Variants in CDH10 observed in about 807,000 individuals in gnomAD.
The protein encoded by CDH10 is cadherin-10.
A neutral mutation model predicts 73.1 loss-of-function variants in CDH10; 30 were observed. That is an observed-to-expected ratio of 0.41 (90% confidence interval 0.31 to 0.56). CDH10 has a LOEUF of 0.56. Among genes scored for constraint, CDH10 ranks in the 20% least tolerant of loss-of-function variants. The pLI is 0.27. For synonymous variants in CDH10, 345 were observed against 348.2 expected (o/e 0.99, Z 0.10); for missense variants, 815 against 973.7 (o/e 0.84, Z 2.17).
At chr5:24,584,445 C>CTTTTTTTTTTTT (rs34192671) in intron 2 of CDH10, among the ~76,000 whole-genome samples, 5 of 28,088 alleles carry the variant, frequency 1.8e-4, no homozygotes, top group Admixed American at 5.7e-4. Flanking sequence ...CTTTCTTTTC[C>CTTTTTTTTTTTT]TTTTTTTTTT....
chr5:24,540,145 C>T (rs1448044048), intron 2 of CDH10, among the ~76,000 whole-genome samples: 1 of 151,782 alleles, frequency 6.6e-6, no homozygotes, highest in African/African-American at 2.4e-5. Flanking sequence ...CAAGACAGCC[C>T]CTAAAAAAGC....
chr5:24,621,504 C>A (rs1747315907), intron 1 of CDH10, among the ~76,000 whole-genome samples: 1 of 152,154 alleles, frequency 6.6e-6, no homozygotes, highest in African/African-American at 2.4e-5. Flanking sequence ...AGGATATCAA[C>A]AATAACCACA....
chr5:24,557,930 C>G (rs1292540343), intron 2 of CDH10, among the ~76,000 whole-genome samples: 1 of 151,746 alleles, frequency 6.6e-6, no homozygotes, highest in African/African-American at 2.4e-5. Context: ...GAAAGCATTA[C>G]AGCAGTTTTA....
intron 1 of CDH10, among the ~76,000 whole-genome samples, chr5:24,634,001 C>A (rs1315364138): frequency 1.3e-5 from 2 of 151,842 alleles, no homozygotes; most frequent in Non-Finnish European, 2.9e-5. Flanking sequence ...CAGCAATTTA[C>A]CCTATAAATG....
chr5:24,513,697 AT>A (rs11373719), intron 5 of CDH10, among the ~76,000 whole-genome samples: 1 of 151,994 alleles, frequency 6.6e-6, no homozygotes, highest in East Asian at 1.9e-4. Flanking sequence ...TGTATCCTTC[AT>A]TTTTTCTATC....
At chr5:24,500,324 G>T (rs1289469049) in intron 8 of CDH10, among the ~76,000 whole-genome samples, 1 of 152,154 alleles carries the variant, frequency 6.6e-6, no homozygotes, top group Non-Finnish European at 1.5e-5. Flanking sequence ...AATAAAGAAA[G>T]GCAGACAGAA....
At chr5:24,525,246 T>C (rs1424966127) in intron 5 of CDH10, among the ~76,000 whole-genome samples, 2 of 152,048 alleles carry the variant, frequency 1.3e-5, no homozygotes, top group Non-Finnish European at 2.9e-5. Context: ...CAAAGAGATA[T>C]AATGTATCCT....
At chr5:24,567,997 CAGGAATGCA>C (rs1745224724) in intron 2 of CDH10, among the ~76,000 whole-genome samples, 2 of 151,926 alleles carry the variant, frequency 1.3e-5, no homozygotes, top group South Asian at 4.1e-4. Context: ...ATGATCAAAA[CAGGAATGCA>C]AGAAATTAAA....
chr5:24,536,979 G>T (rs181578871), intron 3 of CDH10, among the ~76,000 whole-genome samples: 4 of 151,444 alleles, frequency 2.6e-5, no homozygotes, highest in Admixed American at 2.6e-4. Flanking sequence ...GAAATTTTTC[G>T]GTAAATTATG....
intron 5 of CDH10, among the ~76,000 whole-genome samples, chr5:24,523,419 T>A (rs1408196566): frequency 1.3e-5 from 2 of 152,060 alleles, no homozygotes; most frequent in Non-Finnish European, 2.9e-5. Context: ...AATTAAAAAA[T>A]TTCCTAATGA....
chr5:24,594,094 T>A (rs1403073284), intron 1 of CDH10, among the ~76,000 whole-genome samples: 4 of 143,460 alleles, frequency 2.8e-5, no homozygotes, highest in African/African-American at 9.8e-5. Context: ...GAGGTAAAAG[T>A]AAAGGCACAA....
At chr5:24,522,497 T>C (rs984646549) in intron 5 of CDH10, among the ~76,000 whole-genome samples, 9 of 151,334 alleles carry the variant, frequency 5.9e-5, no homozygotes, top group Non-Finnish European at 1.0e-4. Context: ...GTAAATAAAA[T>C]AAAATAAAAT....
chr5:24,560,106 C>G (rs1458006943), intron 2 of CDH10, among the ~76,000 whole-genome samples: 1 of 152,088 alleles, frequency 6.6e-6, no homozygotes, highest in Non-Finnish European at 1.5e-5. Context: ...AATCCACGAT[C>G]CCAGATGCTC....
chr5:24,556,157 T>C (rs1744762104), intron 2 of CDH10, among the ~76,000 whole-genome samples: 1 of 152,150 alleles, frequency 6.6e-6, no homozygotes, highest in Non-Finnish European at 1.5e-5. Flanking sequence ...TTACTAATCA[T>C]TAGTGTTTAT....
intron 2 of CDH10, among the ~76,000 whole-genome samples, chr5:24,539,728 A>G (rs1476592535): frequency 6.6e-6 from 1 of 152,044 alleles, no homozygotes; most frequent in Non-Finnish European, 1.5e-5. Flanking sequence ...CTTTTAACTA[A>G]AAAGCTTTCC....
chr5:24,545,996 T>G (rs1034949369), intron 2 of CDH10, among the ~76,000 whole-genome samples: 1 of 152,072 alleles, frequency 6.6e-6, no homozygotes, highest in African/African-American at 2.4e-5. Flanking sequence ...AAGGTATAGG[T>G]TGACAAATAC....
At chr5:24,633,796 T>C (rs1315443582) in intron 1 of CDH10, among the ~76,000 whole-genome samples, 2 of 151,900 alleles carry the variant, frequency 1.3e-5, no homozygotes, top group Non-Finnish European at 2.9e-5. Flanking sequence ...CAATGTCATC[T>C]TATAACCCTT....
intron 2 of CDH10, among the ~76,000 whole-genome samples, chr5:24,565,582 C>T (rs1366598883): frequency 6.6e-6 from 1 of 151,878 alleles, no homozygotes; most frequent in Non-Finnish European, 1.5e-5. Context: ...TGTTTTTGAC[C>T]CCCACCAAAT....
intron 3 of CDH10, among the ~76,000 whole-genome samples, chr5:24,537,050 T>C (rs967216599): frequency 6.6e-6 from 1 of 151,982 alleles, no homozygotes; most frequent in Non-Finnish European, 1.5e-5. Context: ...TTATATTATA[T>C]TTGGGATCAG....
Sources: allele counts gnomAD v4.1 joint callset (sites outside exome capture counted in the v4.1 genomes callset), GRCh38; gene constraint gnomAD v4.1.1; transcripts MANE v1.5; gene names NCBI Gene and HGNC (gene_info 2026-07-23, HGNC 2026-07-21).